Variants in SHANK2 observed in about 807,000 individuals in gnomAD.
The protein encoded by SHANK2 is SH3 and multiple ankyrin repeat domains 2.
A neutral mutation model predicts 133.7 loss-of-function variants in SHANK2; 43 were observed. The observed-to-expected ratio is 0.32, with a 90% CI of 0.25 to 0.41. SHANK2 has a LOEUF of 0.41. SHANK2 is among the 10% of genes least tolerant of loss of function. SHANK2 has a pLI of 1.00. For missense variants in SHANK2, 1,994 were observed against 2,235.8 expected (o/e 0.89, Z 2.18); for synonymous variants, 1,017 against 952.8 (o/e 1.07, Z -1.24).
chr11:70,503,412 C>T (rs1383620895), intron 17 of SHANK2, among the ~76,000 whole-genome samples: 2 of 152,216 alleles, frequency 1.3e-5, no homozygotes, highest in African/African-American at 4.8e-5. Context: ...TCTGGGAATG[C>T]ACATCACACT....
intron 10 of SHANK2, among the ~76,000 whole-genome samples, chr11:70,910,595 G>T (rs1009606669): frequency 6.6e-6 from 1 of 152,244 alleles, no homozygotes; most frequent in East Asian, 1.9e-4. Flanking sequence ...ATGACTTGAG[G>T]TCAGGAGTTC....
intron 17 of SHANK2, among the ~76,000 whole-genome samples, chr11:70,565,370 C>G (rs539451906): frequency 2.0e-5 from 3 of 152,180 alleles, no homozygotes; most frequent in East Asian, 1.9e-4. Context: ...CTCAGCCTCC[C>G]GAATAGCTGG....
chr11:70,845,198 CAAAAAAA>C (rs782471301), intron 11 of SHANK2, among the ~76,000 whole-genome samples: 7 of 51,684 alleles, frequency 1.4e-4, no homozygotes, highest in African/African-American at 2.2e-4. Context: ...GACTCTGTCT[CAAAAAAA>C]AAAAAAAAAA....
intron 2 of SHANK2, among the ~76,000 whole-genome samples, chr11:71,203,179 G>T (rs1234995449): frequency 2.0e-5 from 3 of 152,158 alleles, no homozygotes; most frequent in Non-Finnish European, 4.4e-5. Flanking sequence ...GAGGCGCAGG[G>T]TCTAGGGAGA....
intron 2 of SHANK2, among the ~76,000 whole-genome samples, chr11:71,207,803 G>A (rs1254427117): frequency 5.9e-5 from 9 of 152,010 alleles, no homozygotes; most frequent in East Asian, 1.9e-4. Flanking sequence ...GTGTGACACC[G>A]TCACTGGAGG....
intron 17 of SHANK2, among the ~76,000 whole-genome samples, chr11:70,521,716 G>C (rs2059333115): frequency 6.6e-6 from 1 of 152,184 alleles, no homozygotes; most frequent in Non-Finnish European, 1.5e-5. Context: ...ACGTGTGTGT[G>C]CACATTCCCT....
chr11:70,625,150 G>C (rs1554999537), intron 17 of SHANK2, among the ~76,000 whole-genome samples: 1 of 152,148 alleles, frequency 6.6e-6, no homozygotes, highest in African/African-American at 2.4e-5. Context: ...GCAGGCGTGG[G>C]GGGCAGAGTC....
chr11:70,481,265 C>T (rs782388302), intron 25 of SHANK2, among the ~76,000 whole-genome samples: 4 of 152,174 alleles, frequency 2.6e-5, no homozygotes, highest in African/African-American at 7.2e-5. Flanking sequence ...CTTTCGTCGG[C>T]GTATTTGTAA....
intron 17 of SHANK2, among the ~76,000 whole-genome samples, chr11:70,656,527 T>C (rs2061407857): frequency 6.6e-6 from 1 of 152,126 alleles, no homozygotes. Flanking sequence ...TGAAATCTCT[T>C]TGGCTCCTTC....
At chr11:71,166,472 T>G (rs1252555316) in intron 2 of SHANK2, among the ~76,000 whole-genome samples, 1 of 146,960 alleles carries the variant, frequency 6.8e-6, no homozygotes, top group Non-Finnish European at 1.5e-5. Flanking sequence ...AATCCACACG[T>G]CTTTTTTTTC....
rs548003848 is a variant in SHANK2 at position 70,469,474 on chromosome 11, T to A, written c.*3395A>T. 9 of 152,512 alleles carry A rather than the reference T, an allele frequency of 5.9e-5. No homozygotes were observed. The South Asian group carries it at 1.9e-3, about 32-fold the overall frequency. The allele number at this position is 152,512 out of a possible 1,614,324, so 9.4% of individuals were successfully genotyped here. A position where few individuals can be genotyped will look rare whatever the true frequency, so the allele number is the denominator to read the frequency against. On this transcript the variant is annotated 3_prime_UTR_variant, in exon 26 of 26. Transcript: ENST00000601538. ...TTTATTTTTTTACAGTAATTTTGGT[T>A]GCCATACAAGAGATTTAAGGATTGG...
chr11:70,789,806 G>A (rs1947750273), intron 14 of SHANK2, among the ~76,000 whole-genome samples: 1 of 152,218 alleles, frequency 6.6e-6, no homozygotes, highest in Admixed American at 6.5e-5. Flanking sequence ...TGTCTCTGGA[G>A]GATGGAAACA....
chr11:70,737,586 T>C (rs999724397), intron 14 of SHANK2, among the ~76,000 whole-genome samples: 1 of 152,168 alleles, frequency 6.6e-6, no homozygotes, highest in Non-Finnish European at 1.5e-5. Flanking sequence ...ATACACCCCA[T>C]TTCTCTCCAG....
intron 2 of SHANK2, among the ~76,000 whole-genome samples, chr11:71,181,577 C>T (rs544544708): frequency 6.6e-6 from 1 of 152,176 alleles, no homozygotes; most frequent in South Asian, 2.1e-4. Context: ...TCAAAGAAAA[C>T]CAATCGGAGT....
chr11:70,866,572 C>T (rs782033824), intron 11 of SHANK2, among the ~76,000 whole-genome samples: 1 of 152,150 alleles, frequency 6.6e-6, no homozygotes, highest in Non-Finnish European at 1.5e-5. Context: ...GTAACTCTAG[C>T]ACCAAGGGTT....
rs544237300 is a variant in SHANK2 at position 70,620,989 on chromosome 11, C to G, written c.2061+38839G>C. ...ATAAGACATGTGGGGTCCGGTATGA[C>G]GTAATATCTGTGTGACCACAACAGG... is the stretch of plus-strand genomic sequence containing the variant. On this transcript the variant is annotated intron_variant, in intron 17 of 25. Coordinates refer to ENST00000601538, the MANE Select transcript of SHANK2 (RefSeq NM_012309.5). 9.8e-4 allele frequency among the ~76,000 whole-genome samples: 150 copies of G among 152,304 alleles called. 1 individual carries two copies. The highest frequency in any genetic ancestry group is 3.6e-3 in the African/African-American group (148 of 41,564).
intron 14 of SHANK2, among the ~76,000 whole-genome samples, chr11:70,715,280 C>G (rs1485657916): frequency 1.3e-5 from 2 of 152,206 alleles, no homozygotes; most frequent in Non-Finnish European, 2.9e-5. Flanking sequence ...CCAGGGTCAC[C>G]CAGCCGGGAA....
At chr11:70,662,509 G>A (rs1812339474) in intron 15 of SHANK2, among the ~76,000 whole-genome samples, 1 of 152,178 alleles carries the variant, frequency 6.6e-6, no homozygotes, top group Admixed American at 6.5e-5. Context: ...CCGGTGGCCG[G>A]TCGGGGAGGG....
At chr11:70,783,778 T>C (rs1947568800) in intron 14 of SHANK2, among the ~76,000 whole-genome samples, 1 of 152,164 alleles carries the variant, frequency 6.6e-6, no homozygotes, top group Admixed American at 6.5e-5. Flanking sequence ...AACCTCTCTG[T>C]ATGCTTGTTA....
Sources: allele counts gnomAD v4.1 joint callset (sites outside exome capture counted in the v4.1 genomes callset), GRCh38; gene constraint gnomAD v4.1.1; transcripts MANE v1.5; gene names NCBI Gene and HGNC (gene_info 2026-07-23, HGNC 2026-07-21).